Variants in NAV2 observed in about 807,000 individuals in gnomAD.
NAV2 encodes the protein neuron navigator 2.
A neutral mutation model predicts 223.2 loss-of-function variants in NAV2; 54 were observed. The observed-to-expected ratio is 0.24, with a 90% CI of 0.19 to 0.30. The LOEUF (loss-of-function observed/expected upper bound fraction) is 0.30. Ranked by LOEUF, NAV2 falls within the 10% of genes least tolerant of loss-of-function variation. The probability of loss-of-function intolerance (pLI) is 1.00; values close to 1 mark genes in which losing one functional copy is unlikely to be tolerated. For missense variants in NAV2, 2,806 were observed against 3,147.5 expected (o/e 0.89, Z 2.60); for synonymous variants, 1,279 against 1,239.3 (o/e 1.03, Z -0.67).
At chr11:19,546,567 G>A (rs1472569367) in intron 1 of NAV2, among the ~76,000 whole-genome samples, 1 of 152,168 alleles carries the variant, frequency 6.6e-6, no homozygotes, top group African/African-American at 2.4e-5. Flanking sequence ...CAGAAGGAAG[G>A]ACTGGTCACC....
intron 1 of NAV2, among the ~76,000 whole-genome samples, chr11:19,551,690 C>G (rs1164915837): frequency 6.6e-6 from 1 of 152,198 alleles, no homozygotes; most frequent in African/African-American, 2.4e-5. Context: ...GTCTGTGAAA[C>G]CCAGCCACGT....
chr11:19,533,105 A>G (rs2044078460), intron 1 of NAV2, among the ~76,000 whole-genome samples: 1 of 152,200 alleles, frequency 6.6e-6, no homozygotes, highest in Non-Finnish European at 1.5e-5. Context: ...AGTTTCAGTG[A>G]TGGGAGAAAG....
intron 1 of NAV2, among the ~76,000 whole-genome samples, chr11:19,736,277 C>G (rs2052292797): frequency 6.6e-6 from 1 of 152,196 alleles, no homozygotes; most frequent in African/African-American, 2.4e-5. Context: ...GCAGTTTCCA[C>G]TGCTGCTAGG....
chr11:19,879,229 T>A (rs1283824910), intron 4 of NAV2, among the ~76,000 whole-genome samples: 1 of 152,252 alleles, frequency 6.6e-6, no homozygotes, highest in African/African-American at 2.4e-5. Flanking sequence ...TGAAAAATAC[T>A]GTCTGGAATA....
chr11:20,021,600 C>A (rs530886304), intron 11 of NAV2, among the ~76,000 whole-genome samples: 1 of 152,142 alleles, frequency 6.6e-6, no homozygotes, highest in Admixed American at 6.5e-5. Flanking sequence ...TTTGAAGCAT[C>A]CTTGTCAGCC....
chr11:19,431,534 A>G (rs1347335822), intron 1 of NAV2, among the ~76,000 whole-genome samples: 1 of 152,154 alleles, frequency 6.6e-6, no homozygotes, highest in Non-Finnish European at 1.5e-5. Context: ...ATTCTGTTGC[A>G]CTAGAACAGT....
intron 1 of NAV2, among the ~76,000 whole-genome samples, chr11:19,726,705 G>A (rs1222987117): frequency 6.6e-6 from 1 of 152,160 alleles, no homozygotes; most frequent in East Asian, 1.9e-4. Flanking sequence ...CAAAAGTATG[G>A]TCTGTGGCCT....
At chr11:19,515,425 C>A (rs2043414938) in intron 1 of NAV2, among the ~76,000 whole-genome samples, 1 of 152,136 alleles carries the variant, frequency 6.6e-6, no homozygotes, top group Admixed American at 6.5e-5. Flanking sequence ...TTTTACTTTT[C>A]CATCATTTTA....
chr11:19,993,674 T>C (rs4757023), intron 11 of NAV2, among the ~76,000 whole-genome samples: 80,608 of 152,094 alleles, frequency 0.53, 24,168 homozygotes, highest in Middle Eastern at 0.68. Context: ...CCACCCAGTC[T>C]GATCACATGG....
rs569446282 is a variant in NAV2 at position 19,859,137 on chromosome 11, C to CT, written c.439-9766dup. On this transcript the variant is annotated intron_variant, in intron 3 of 37. Transcript: ENST00000349880. Reference sequence around the variant, plus strand: ...ATGGAGGAGTCCAAAATCATATTCTCTTTTTTTTTTTTTTTTTTTTTTATT... The same window carrying CT: ...ATGGAGGAGTCCAAAATCATATTCTCTTTTTTTTTTTTTTTTTTTTTTTATT... Among the ~76,000 whole-genome samples, 848 of 107,094 alleles carry CT rather than the reference C, an allele frequency of 7.9e-3. 19 individuals are homozygous for CT. Among genetic ancestry groups the CT allele is most frequent in the South Asian group, 0.025 (58 of 2,320 alleles). The allele number at this position is 107,094 out of a possible 152,430, so 70.3% of individuals were successfully genotyped here. A position where few individuals can be genotyped will look rare whatever the true frequency, so the allele number is the denominator to read the frequency against.
intron 1 of NAV2, among the ~76,000 whole-genome samples, chr11:19,486,030 G>C (rs1487188): frequency 0.14 from 20,581 of 152,134 alleles, 1,462 homozygotes; most frequent in Admixed American, 0.16. Flanking sequence ...CTGCCCTTGA[G>C]GTTTGTTCCT....
intron 1 of NAV2, among the ~76,000 whole-genome samples, chr11:19,657,325 C>G (rs557619166): frequency 5.9e-5 from 9 of 152,262 alleles, no homozygotes; most frequent in Admixed American, 6.5e-5. Context: ...CTAGTTTGTA[C>G]TTCCCAATAC....
chr11:19,821,535 G>T (rs1436245989), intron 1 of NAV2, among the ~76,000 whole-genome samples: 1 of 152,198 alleles, frequency 6.6e-6, no homozygotes, highest in African/African-American at 2.4e-5. Flanking sequence ...AGTGTCTGCT[G>T]CTGCATGGGG....
intron 1 of NAV2, among the ~76,000 whole-genome samples, chr11:19,395,731 G>A (rs1414440319): frequency 2.0e-5 from 3 of 152,104 alleles, no homozygotes; most frequent in African/African-American, 7.2e-5. Context: ...CTCTGTCCTT[G>A]CCACTGGGCC....
rs145234776 is a variant in NAV2, at chr11:19,906,808, G to A, written c.931+14214G>A. On this transcript the variant is annotated intron_variant, in intron 6 of 37. Coordinates refer to ENST00000349880, the MANE Select transcript of NAV2 (RefSeq NM_145117.5). ...GAACCAGCTGTTAAAGTAGAACTCC[G>A]CAAAACAGGTCTTACTCCACTTGAG... Among the ~76,000 whole-genome samples the A allele has an allele frequency of 1.4e-4, 21 of 152,244 alleles. No individual in the cohort carries two copies. In the East Asian group the frequency reaches 2.7e-3, roughly 20 times the overall value.
chr11:20,075,367 G>T (rs1336502637), intron 22 of NAV2, among the ~76,000 whole-genome samples: 3 of 151,988 alleles, frequency 2.0e-5, no homozygotes, highest in African/African-American at 4.8e-5. Flanking sequence ...GGGACTACAG[G>T]TGCCCACCAC....
Position 19,933,140 on chromosome 11 carries a change from A to T in NAV2, c.932-36A>T. On this transcript the variant is annotated intron_variant, in intron 6 of 37. Transcript: ENST00000349880. The surrounding 1 kb of genome is among the most constrained non-coding windows in gnomAD (Gnocchi z 4.3). Reference sequence around the variant, plus strand: ...CCCTGGTCTTCAGTGCAGGTCAACAAGTATGATTCAGGCCTCCTCTCTTCT... The same window carrying T: ...CCCTGGTCTTCAGTGCAGGTCAACATGTATGATTCAGGCCTCCTCTCTTCT... 1.3e-6 allele frequency: 2 copies of T among 1,483,524 alleles called. No homozygotes were observed. The highest frequency in any genetic ancestry group is 1.8e-6 in the Non-Finnish European group (2 of 1,114,558). 91.9% of individuals were successfully genotyped at this position (1,483,524 alleles called of 1,614,324 possible). A position where few individuals can be genotyped will look rare whatever the true frequency, so the allele number is the denominator to read the frequency against.
chr11:19,965,444 C>T (rs1246479583), intron 10 of NAV2, among the ~76,000 whole-genome samples: 1 of 152,116 alleles, frequency 6.6e-6, no homozygotes, highest in Non-Finnish European at 1.5e-5. Flanking sequence ...TTCTCTTGTT[C>T]ATGGAACGCC....
chr11:19,783,335 GTCT>G (rs1049932336), intron 1 of NAV2, among the ~76,000 whole-genome samples: 2 of 152,162 alleles, frequency 1.3e-5, no homozygotes, highest in African/African-American at 4.8e-5. Flanking sequence ...AGTGTTTTAG[GTCT>G]TCTTCAGCAG....
Sources: gnomAD v4.1 joint callset for allele counts (sites outside exome capture counted in the v4.1 genomes callset) on GRCh38, gnomAD v4.1.1 for gene constraint, Gnocchi (gnomAD v3.1) non-coding constraint, MANE v1.5 for transcripts, NCBI Gene and HGNC (gene_info 2026-07-23, HGNC 2026-07-21) for gene names.